INSL6: variants seen among roughly 807,000 people sequenced by gnomAD.
INSL6 encodes insulin like 6, also known as insulin-like peptide INSL6.
INSL6 carries 16 observed loss-of-function variants against 9.4 expected under a neutral mutation model. The observed-to-expected ratio is 1.70, with a 90% CI of 1.15 to 2.59. The LOEUF (loss-of-function observed/expected upper bound fraction) is 2.59, where lower values mean the gene tolerates loss of function less well. Ranked by LOEUF, INSL6 falls within the 30% of genes most tolerant of loss-of-function variation. INSL6 has a pLI of 0.00. For missense variants in INSL6, 391 were observed against 257.3 expected (o/e 1.52, Z -3.56); for synonymous variants, 154 against 96.9 (o/e 1.59, Z -3.46).
the INSL6 span, among the ~76,000 whole-genome samples, chr9:5,115,704 A>G: frequency 6.6e-6 from 1 of 152,280 alleles, no homozygotes; most frequent in South Asian, 2.1e-4. Context: ...AATGTGACAC[A>G]TATACACCAT....
chr9:5,044,381 A>G, the INSL6 span: 2 of 1,484,488 alleles, frequency 1.3e-6, no homozygotes, highest in Non-Finnish European at 1.9e-6. Context: ...GAAGCTGACC[A>G]AATGTTTTTA....
the INSL6 span, chr9:5,044,412 T>C: frequency 3.1e-6 from 5 of 1,608,004 alleles, no homozygotes; most frequent in Non-Finnish European, 1.7e-6. Flanking sequence ...GATTTTACTT[T>C]CCTCGTTGGT....
At chr9:5,042,346 C>G in the INSL6 span, among the ~76,000 whole-genome samples, 1 of 151,394 alleles carries the variant, frequency 6.6e-6, no homozygotes, top group African/African-American at 2.4e-5. Flanking sequence ...ACCTTGTTAG[C>G]CAGGATGGTC....
chr9:5,081,747 T>C, the INSL6 span: 3 of 1,598,092 alleles, frequency 1.9e-6, no homozygotes, highest in Middle Eastern at 3.3e-4. Flanking sequence ...TAACAGAAAA[T>C]GACATGTTAC....
the INSL6 span, chr9:5,080,480 G>C: frequency 1.3e-6 from 2 of 1,537,812 alleles, no homozygotes; most frequent in Non-Finnish European, 1.8e-6. Flanking sequence ...TTAAAAAGAA[G>C]GTTGGTGTGG....
chr9:5,087,765 C>T, the INSL6 span, among the ~76,000 whole-genome samples: 2 of 151,382 alleles, frequency 1.3e-5, no homozygotes, highest in East Asian at 3.9e-4. Flanking sequence ...TATCAAGTCC[C>T]TTTGAAATGT....
intron 1 of INSL6, among the ~76,000 whole-genome samples, chr9:5,181,593 G>C (rs1183164028): frequency 6.6e-6 from 1 of 152,066 alleles, no homozygotes; most frequent in Non-Finnish European, 1.5e-5. Context: ...TAATACATAA[G>C]GCAAAACACT....
At chr9:5,035,346 C>T in the INSL6 span, among the ~76,000 whole-genome samples, 1 of 152,314 alleles carries the variant, frequency 6.6e-6, no homozygotes, top group African/African-American at 2.4e-5. Flanking sequence ...CTATTCCAAT[C>T]AATAGAATAA....
the INSL6 span, among the ~76,000 whole-genome samples, chr9:5,116,854 C>G: frequency 6.6e-6 from 1 of 152,158 alleles, no homozygotes; most frequent in African/African-American, 2.4e-5. Flanking sequence ...TAATATGGCA[C>G]TTTCAATAAT....
chr9:5,168,434 A>T, intron 1 of INSL6, among the ~76,000 whole-genome samples: 1 of 152,164 alleles, frequency 6.6e-6, no homozygotes, highest in Non-Finnish European at 1.5e-5. Flanking sequence ...ATGCAAACAC[A>T]AGTTTGAAGT....
At chr9:5,131,966 G>C (rs1050604513) in intron 3 of INSL6, 1 of 152,126 alleles carries the variant, frequency 6.6e-6, no homozygotes, top group East Asian at 1.9e-4. Context: ...TAATTTTGAA[G>C]ACAGTGTGAA....
At chr9:5,055,677 G>A in the INSL6 span, 1 of 1,571,680 alleles carries the variant, frequency 6.4e-7, no homozygotes, top group South Asian at 1.1e-5. Context: ...AGGATTTACA[G>A]TTATATTGCG....
At chr9:5,078,589 T>A in the INSL6 span, 1 of 672,102 alleles carries the variant, frequency 1.5e-6, no homozygotes, top group Non-Finnish European at 2.4e-6. Context: ...CAATTTAAAT[T>A]GTTAGTTAAA....
At chr9:5,143,251 A>G (rs1231951285) in intron 2 of INSL6, among the ~76,000 whole-genome samples, 1 of 150,390 alleles carries the variant, frequency 6.6e-6, no homozygotes, top group East Asian at 1.9e-4. Context: ...TTTTTTTAAT[A>G]GTTTCAGTAG....
the INSL6 span, among the ~76,000 whole-genome samples, chr9:5,058,882 G>A: frequency 6.6e-6 from 1 of 151,850 alleles, no homozygotes; most frequent in African/African-American, 2.4e-5. Context: ...TTTTTAATCA[G>A]GTTTTTTTTG....
the INSL6 span, chr9:5,080,159 G>A: frequency 5.1e-6 from 6 of 1,183,870 alleles, no homozygotes; most frequent in Non-Finnish European, 7.1e-6. Context: ...GAACTTTAAA[G>A]CTATTTACAT....
the INSL6 span, among the ~76,000 whole-genome samples, chr9:5,064,247 AG>A: frequency 3.9e-5 from 6 of 152,152 alleles, no homozygotes; most frequent in African/African-American, 1.4e-4. Context: ...ATTGGTATGT[AG>A]GGCTGATGCC....
chr9:5,080,146 T>A, the INSL6 span: 2 of 1,090,478 alleles, frequency 1.8e-6, no homozygotes, highest in Non-Finnish European at 2.6e-6. Context: ...ATTCAAATGA[T>A]TTGAACTTTA....
At chr9:5,084,695 T>C in the INSL6 span, among the ~76,000 whole-genome samples, 1 of 152,212 alleles carries the variant, frequency 6.6e-6, no homozygotes, top group East Asian at 1.9e-4. Context: ...AAATTAATTT[T>C]AACATGGATT....
Sources: gnomAD v4.1 joint callset for allele counts (sites outside exome capture counted in the v4.1 genomes callset) on GRCh38, gnomAD v4.1.1 for gene constraint, MANE v1.5 for transcripts, NCBI Gene and HGNC (gene_info 2026-07-23, HGNC 2026-07-21) for gene names.